Variants in ACSS2 observed in about 807,000 individuals in gnomAD.
ACSS2 encodes the protein acetyl-coenzyme A synthetase, cytoplasmic.
A neutral mutation model predicts 90.6 loss-of-function variants in ACSS2; 58 were observed. That is an observed-to-expected ratio of 0.64 (90% CI 0.52 to 0.80). The LOEUF (loss-of-function observed/expected upper bound fraction) is 0.80, where lower values mean the gene tolerates loss of function less well. Ranked by LOEUF, ACSS2 falls within the 30% of genes least tolerant of loss-of-function variation. ACSS2 has a pLI of 0.00. For missense variants in ACSS2, 759 were observed against 912.0 expected (o/e 0.83, Z 2.16); for synonymous variants, 300 against 330.9 (o/e 0.91, Z 1.01).
Position 34,921,628 on chromosome 20 carries a change from G to C in ACSS2, c.1467+28G>C, listed in dbSNP as rs762240486. The C allele has an allele frequency of 2.1e-5, 34 of 1,614,034 alleles. 1 individual carries two copies. The South Asian group carries it at 3.3e-4, about 16-fold the overall frequency. The stretch of plus-strand genomic sequence containing the variant: ...GAGTGATGCTTCCCTGGCTGGTCTT[G>C]GGCTAGGCAGGGATGGTGTCTTGGG... On this transcript the variant is annotated intron_variant, in intron 12 of 17. Coordinates refer to ENST00000360596, the MANE Select transcript of ACSS2 (RefSeq NM_018677.4).
chr20:34,877,454 A>G (rs1350718656), intron 1 of ACSS2, among the ~76,000 whole-genome samples: 3 of 152,062 alleles, frequency 2.0e-5, no homozygotes, highest in Non-Finnish European at 2.9e-5. Flanking sequence ...TTATTTTTTT[A>G]ACTTGGGCTG....
At chr20:34,912,453 T>C in intron 2 of ACSS2, 1 of 159,636 alleles carries the variant, frequency 6.3e-6, no homozygotes, top group South Asian at 1.5e-4. Context: ...ACCCAGCTAA[T>C]TTTTGTATTT....
At chr20:34,899,699 G>A (rs1263120204) in intron 2 of ACSS2, among the ~76,000 whole-genome samples, 1 of 151,928 alleles carries the variant, frequency 6.6e-6, no homozygotes, top group Non-Finnish European at 1.5e-5. Context: ...ATGTTGGCCA[G>A]GCTGGTCTTG....
chr20:34,913,743 C>G lies in ACSS2; in HGVS notation c.571-10C>G, dbSNP rs1364169965. 4 of 1,613,558 alleles carry G rather than the reference C, an allele frequency of 2.5e-6. No homozygotes were observed. In the African/African-American group the frequency reaches 4.0e-5, roughly 16 times the overall value. ...TTCTTCTCTCCCTCAGACTTTCTTC[C>G]CTTCCCTAGTTTGCAGGCTTCTCTT... On this transcript the variant is annotated splice_polypyrimidine_tract_variant and intron_variant, in intron 4 of 17. Transcript: ENST00000360596.
chr20:34,920,881 G>T (rs76985321), intron 9 of ACSS2, 125 bp from the exon 10 acceptor site: 5 of 1,516,416 alleles, frequency 3.3e-6, no homozygotes, highest in Non-Finnish European at 3.6e-6. Flanking sequence ...ATCTTGGCTT[G>T]TCTGGCCAGG....
Position 34,885,037 on chromosome 20 carries a change from A to G in ACSS2, c.374+2048A>G, listed in dbSNP as rs758955142. ...CAACATGGCAAAACTCCCTCTCTAC[A>G]TAAAAGACAAAAATTAGCTGGGCAT... On this transcript the variant is annotated intron_variant, in intron 2 of 17. Transcript: ENST00000360596. Among the ~76,000 whole-genome samples the G allele has an allele frequency of 3.9e-5, 6 of 152,224 alleles. No homozygotes were observed. The East Asian group carries it at 7.7e-4, about 20-fold the overall frequency.
intron 2 of ACSS2, among the ~76,000 whole-genome samples, chr20:34,903,702 C>G (rs931920898): frequency 1.3e-5 from 2 of 151,786 alleles, no homozygotes; most frequent in Non-Finnish European, 2.9e-5. Flanking sequence ...GCTTGTAGTT[C>G]TAGGGAATTA....
chr20:34,892,135 C>G (rs1568970210), intron 2 of ACSS2, among the ~76,000 whole-genome samples: 2 of 152,172 alleles, frequency 1.3e-5, no homozygotes, highest in South Asian at 4.1e-4. Flanking sequence ...ATGCAGGGAA[C>G]TGCCTGGATA....
intron 5 of ACSS2, 52 bp downstream of exon 5, chr20:34,913,877 GT>G (rs1568991112): frequency 6.4e-7 from 1 of 1,569,084 alleles, no homozygotes; most frequent in Admixed American, 1.7e-5. Context: ...TCAAGCCTTG[GT>G]CTCCAATCAG....
At chr20:34,875,556 G>C (rs964525764), upstream of ACSS2, among the ~76,000 whole-genome samples, 1 of 150,362 alleles carries the variant, frequency 6.7e-6, no homozygotes, top group Non-Finnish European at 1.5e-5. Context: ...GCGACAGAGC[G>C]AGAGACTCCA....
At chr20:34,920,869 G>C in intron 9 of ACSS2, 137 bp from the exon 10 acceptor site, 1 of 1,489,004 alleles carries the variant, frequency 6.7e-7, no homozygotes, top group Non-Finnish European at 9.2e-7. Context: ...GACTAGGATG[G>C]TATCTTGGCT....
intron 16 of ACSS2, 95 bp downstream of exon 16, chr20:34,926,376 C>T: frequency 7.2e-7 from 1 of 1,397,286 alleles, no homozygotes; most frequent in Non-Finnish European, 9.7e-7. Context: ...AAGCTGCTCC[C>T]CAAACCACAA....
upstream of ACSS2, chr20:34,875,800 CA>C: frequency 6.5e-6 from 1 of 152,790 alleles, no homozygotes; most frequent in Non-Finnish European, 1.5e-5. Flanking sequence ...GGGCTTATTA[CA>C]AAAAACCTGA....
intron 2 of ACSS2, among the ~76,000 whole-genome samples, chr20:34,910,340 T>A (rs1050027573): frequency 1.3e-5 from 2 of 152,208 alleles, no homozygotes; most frequent in Admixed American, 1.3e-4. Context: ...TTCTGGAAAG[T>A]CACACAGAAT....
intron 2 of ACSS2, among the ~76,000 whole-genome samples, chr20:34,906,089 A>T (rs1049944413): frequency 2.6e-5 from 4 of 152,196 alleles, no homozygotes; most frequent in African/African-American, 7.2e-5. Context: ...TAATCCCAGC[A>T]CTTTGGGAGG....
chr20:34,921,273 T>G, intron 10 of ACSS2, 57 bp from the exon 11 acceptor site: 1 of 1,610,002 alleles, frequency 6.2e-7, no homozygotes, highest in Non-Finnish European at 8.5e-7. Flanking sequence ...AAAGCCTGGG[T>G]ATGTGTGTCT....
intron 7 of ACSS2, chr20:34,915,295 T>C (rs1368454352): frequency 6.2e-7 from 1 of 1,613,044 alleles, no homozygotes; most frequent in East Asian, 2.2e-5. Flanking sequence ...CGCTTCTCTG[T>C]TTGCTTGTCT....
Position 34,904,297 on chromosome 20 carries a change from C to T in ACSS2, c.375-8799C>T, listed in dbSNP as rs75833399. Among the ~76,000 whole-genome samples the T allele has an allele frequency of 1.1e-4, 17 of 150,350 alleles. No individual in the cohort carries two copies. In the East Asian group the frequency reaches 2.5e-3, roughly 22 times the overall value. ...TACTGAGAAGCCAACATTTGAGCAA[C>T]GACTCAAAGATAGGGAATAAGTCAT... On this transcript the variant is annotated intron_variant, in intron 2 of 17. Transcript: ENST00000360596.
chr20:34,893,696 T>A (rs941739105), intron 2 of ACSS2: 3 of 151,962 alleles, frequency 2.0e-5, no homozygotes, highest in African/African-American at 4.8e-5. Flanking sequence ...CAGCTTGGAA[T>A]TTTGAATTAG....
Sources: allele counts gnomAD v4.1 joint callset (sites outside exome capture counted in the v4.1 genomes callset), GRCh38; gene constraint gnomAD v4.1.1; transcripts MANE v1.5; gene names NCBI Gene and HGNC (gene_info 2026-07-23, HGNC 2026-07-21).